Variants in MCMDC2 observed in about 807,000 individuals in gnomAD.
MCMDC2 encodes the protein minichromosome maintenance domain containing 2.
In MCMDC2, 54 loss-of-function variants were observed where a neutral mutation model predicts 75.8. The observed-to-expected ratio is 0.71, with a 90% CI of 0.57 to 0.89. The LOEUF is 0.89. Ranked by LOEUF, MCMDC2 falls within the 40% of genes least tolerant of loss-of-function variation. The probability of loss-of-function intolerance (pLI) is 0.00; values close to 1 mark genes in which losing one functional copy is unlikely to be tolerated. For synonymous variants in MCMDC2, 249 were observed against 274.6 expected (o/e 0.91, Z 0.92); for missense variants, 656 against 780.4 (o/e 0.84, Z 1.90).
chr8:66,892,616 C>G (rs1033018173), intron 10 of MCMDC2, among the ~76,000 whole-genome samples: 12 of 152,170 alleles, frequency 7.9e-5, no homozygotes, highest in African/African-American at 2.4e-4. Flanking sequence ...GAAGTACATG[C>G]TGATTGGTCC....
In MCMDC2 at chr8:66,919,398, C is replaced by T; in HGVS notation, c.*229C>T. 1 of 309,492 alleles carries T rather than the reference C, an allele frequency of 3.2e-6. No homozygotes were observed. Among genetic ancestry groups the T allele is most frequent in the Non-Finnish European group, 5.9e-6 (1 of 170,790 alleles). The allele number at this position is 309,492 out of a possible 1,614,324, so 19.2% of individuals were successfully genotyped here. On this transcript the variant is annotated 3_prime_UTR_variant, in exon 15 of 15. Transcript: ENST00000422365. ...ATTTTAAAACTTAGAACAATGTGGA[C>T]AATTTAAAGTGATAAAGTTGTCAAG...
rs10105678 is a variant in MCMDC2 at position 66,880,594 on chromosome 8, G to T, written c.710-255G>T. On this transcript the variant is annotated intron_variant, in intron 7 of 14. Transcript: ENST00000422365. Reference sequence around the variant, plus strand: ...ATTTTCTTTTGACCATATTATAGAAGAGTGTCTAGTTGCTATATCACATGC... The same window carrying T: ...ATTTTCTTTTGACCATATTATAGAATAGTGTCTAGTTGCTATATCACATGC... Among the ~76,000 whole-genome samples, 549 of 152,182 alleles carry T rather than the reference G, an allele frequency of 3.6e-3. 1 individual carries two copies. Among genetic ancestry groups the T allele is most frequent in the Non-Finnish European group, 6.6e-3 (448 of 67,998 alleles).
intron 1 of MCMDC2, among the ~76,000 whole-genome samples, chr8:66,872,635 A>G (rs1811076165): frequency 1.3e-5 from 2 of 152,120 alleles, no homozygotes; most frequent in Admixed American, 6.6e-5. Context: ...ACAATCTAGT[A>G]TCCAACCTAT....
chr8:66,924,647 A>G (rs902195201), downstream of MCMDC2, among the ~76,000 whole-genome samples: 1 of 152,070 alleles, frequency 6.6e-6, no homozygotes, highest in East Asian at 1.9e-4. Context: ...AAAAAAAAAA[A>G]AAAAGTTTCT....
intron 14 of MCMDC2, among the ~76,000 whole-genome samples, chr8:66,910,407 C>T (rs1813058379): frequency 6.6e-6 from 1 of 152,208 alleles, no homozygotes; most frequent in African/African-American, 2.4e-5. Context: ...AGGGGCTGTG[C>T]CCTACAAAGC....
intron 13 of MCMDC2, 59 bp from the exon 14 acceptor site, chr8:66,905,167 A>G: frequency 7.8e-7 from 1 of 1,274,096 alleles, no homozygotes; most frequent in Non-Finnish European, 1.0e-6. Flanking sequence ...TTCCTGCCAA[A>G]ATATATATTA....
intron 9 of MCMDC2, among the ~76,000 whole-genome samples, chr8:66,888,944 A>G (rs998862900): frequency 1.3e-5 from 2 of 152,208 alleles, no homozygotes; most frequent in African/African-American, 4.8e-5. Context: ...AAATCTCCCC[A>G]GGTAAGGTTA....
chr8:66,895,108 T>C (rs1366482318), intron 10 of MCMDC2, among the ~76,000 whole-genome samples: 1 of 152,234 alleles, frequency 6.6e-6, no homozygotes, highest in East Asian at 1.9e-4. Flanking sequence ...ATATAATCTA[T>C]GCACATCCTC....
intron 11 of MCMDC2, 80 bp downstream of exon 11, chr8:66,896,416 G>T: frequency 2.3e-6 from 3 of 1,304,052 alleles, no homozygotes. Flanking sequence ...TAATATTTTT[G>T]TTATTAACCT....
At chr8:66,890,696 T>A (rs1812063352) in intron 9 of MCMDC2, among the ~76,000 whole-genome samples, 169 bp from the exon 10 acceptor site, 1 of 152,170 alleles carries the variant, frequency 6.6e-6, no homozygotes, top group Non-Finnish European at 1.5e-5. Context: ...AATTTTCGTA[T>A]TTTCAGTAGA....
rs1440690589 is a variant in MCMDC2, at chr8:66,883,923, T to C, written c.1002T>C (p.Thr334=). The C allele has an allele frequency of 1.9e-6, 3 of 1,613,968 alleles. No individual in the cohort carries two copies. Among genetic ancestry groups the C allele is most frequent in the Admixed American group, 1.7e-5 (1 of 60,000 alleles). ...LCLLMSLVQT[T]DRNKELEDCL... is the part of the protein sequence containing the mutation. Reference sequence around the variant, plus strand: ...TGTTGATGAGTCTAGTACAGACAACTGACCGTAACAAGGAACTGGAAGATT... The same window carrying C: ...TGTTGATGAGTCTAGTACAGACAACCGACCGTAACAAGGAACTGGAAGATT... Residue 334 remains threonine (T), a synonymous_variant, in exon 9 of 15, where the codon ACT becomes ACC. Coordinates refer to ENST00000422365, the MANE Select transcript of MCMDC2 (RefSeq NM_173518.5).
In MCMDC2 at chr8:66,920,450, A is replaced by G. The variant is rs1813482174; in HGVS notation, c.*1281A>G. 1 of 152,068 alleles carries G rather than the reference A, an allele frequency of 6.6e-6. No individual in the cohort carries two copies. The highest frequency in any genetic ancestry group is 1.5e-5 in the Non-Finnish European group (1 of 68,076). The allele number at this position is 152,068 out of a possible 1,614,324, so 9.4% of individuals were successfully genotyped here. ...TGGCCAGGCTGGTCTTGAACTCCCG[A>G]CCTCAGGTGATCTGCCTGCCTCAGT... On this transcript the variant is annotated 3_prime_UTR_variant, in exon 15 of 15. Coordinates refer to ENST00000422365, the MANE Select transcript of MCMDC2 (RefSeq NM_173518.5).
chr8:66,916,915 C>T (rs886499811), intron 14 of MCMDC2, among the ~76,000 whole-genome samples: 2 of 152,070 alleles, frequency 1.3e-5, no homozygotes, highest in African/African-American at 4.8e-5. Flanking sequence ...GGGTTATCCA[C>T]ATGAAAATCA....
At chr8:66,884,227 A>T in intron 9 of MCMDC2, 1 of 535,692 alleles carries the variant, frequency 1.9e-6, no homozygotes, top group East Asian at 3.0e-5. Context: ...GTAAATAAAT[A>T]CATCCTTCCC....
Position 66,874,301 on chromosome 8 carries a change from C to T in MCMDC2, c.95-25C>T, listed in dbSNP as rs756336179. On this transcript the variant is annotated intron_variant, in intron 2 of 14. Coordinates refer to ENST00000422365, the MANE Select transcript of MCMDC2 (RefSeq NM_173518.5). ...AAACTCCTACACATAGCTATCCTGA[C>T]TTTTACATTTGTATATTTTCATAGA... 88 of 1,606,968 alleles carry T rather than the reference C, an allele frequency of 5.5e-5. No individual in the cohort carries two copies. The East Asian group carries it at 1.9e-3, about 35-fold the overall frequency.
chr8:66,875,876 C>T (rs907897896), intron 4 of MCMDC2, among the ~76,000 whole-genome samples: 9 of 152,166 alleles, frequency 5.9e-5, no homozygotes, highest in Non-Finnish European at 1.3e-4. Flanking sequence ...TGTCTAATTG[C>T]TTCCTTGTAG....
At chr8:66,897,851 TA>T (rs1812433077) in intron 12 of MCMDC2, among the ~76,000 whole-genome samples, 1 of 152,204 alleles carries the variant, frequency 6.6e-6, no homozygotes, top group Non-Finnish European at 1.5e-5. Context: ...CCTTTTTAAC[TA>T]CTCAAAAATC....
At chr8:66,885,047 A>G (rs531641364) in intron 9 of MCMDC2, among the ~76,000 whole-genome samples, 5 of 152,252 alleles carry the variant, frequency 3.3e-5, no homozygotes, top group African/African-American at 9.6e-5. Context: ...AAATTTTGCA[A>G]TCTGGGCTGG....
intron 1 of MCMDC2, 144 bp from the exon 2 acceptor site, chr8:66,873,909 G>A: frequency 2.8e-6 from 1 of 358,502 alleles, no homozygotes. Context: ...AAGTTATTTG[G>A]CAAAAGAAAA....
Sources: gnomAD v4.1 joint callset for allele counts (sites outside exome capture counted in the v4.1 genomes callset) on GRCh38, gnomAD v4.1.1 for gene constraint, MANE v1.5 for transcripts, NCBI Gene and HGNC (gene_info 2026-07-23, HGNC 2026-07-21) for gene names.